Variants in EYA3 observed in about 807,000 individuals in gnomAD.
EYA3 encodes the protein EYA transcriptional coactivator and phosphatase 3, also known as protein phosphatase EYA3.
Under a neutral mutation model 80.0 loss-of-function variants are expected in EYA3, and 39 were observed. The observed-to-expected ratio is 0.49, with a 90% confidence interval of 0.38 to 0.64. The LOEUF (loss-of-function observed/expected upper bound fraction) is 0.64, where lower values mean the gene tolerates loss of function less well. EYA3 is among the 30% of genes least tolerant of loss of function. The probability of loss-of-function intolerance (pLI) is 0.00; values close to 1 mark genes in which losing one functional copy is unlikely to be tolerated. For missense variants in EYA3, 523 were observed against 676.1 expected (o/e 0.77, Z 2.51); for synonymous variants, 206 against 232.8 (o/e 0.88, Z 1.05).
At chr1:27,986,869 A>AT (rs1639694865) in intron 16 of EYA3, among the ~76,000 whole-genome samples, 1 of 151,722 alleles carries the variant, frequency 6.6e-6, no homozygotes, top group Non-Finnish European at 1.5e-5. Context: ...CGCCCAGCTA[A>AT]TTTTTTGTAT....
intron 6 of EYA3, among the ~76,000 whole-genome samples, chr1:28,029,432 G>C (rs544825148): frequency 6.6e-6 from 1 of 152,076 alleles, no homozygotes; most frequent in African/African-American, 2.4e-5. Context: ...GACTTCCTTA[G>C]CAGTATCTGC....
At chr1:27,985,768 G>C (rs533777351) in intron 16 of EYA3, among the ~76,000 whole-genome samples, 1 of 152,064 alleles carries the variant, frequency 6.6e-6, no homozygotes, top group Non-Finnish European at 1.5e-5. Context: ...TTTTAGTAGA[G>C]AGGGGGTTTC....
intron 11 of EYA3, among the ~76,000 whole-genome samples, chr1:28,003,333 G>T (rs1007956125): frequency 3.3e-5 from 5 of 151,762 alleles, no homozygotes; most frequent in Admixed American, 6.6e-5. Flanking sequence ...GCCAGGCATG[G>T]TAACGGGCAC....
At chr1:27,983,549 C>T (rs2148711510) in intron 16 of EYA3, among the ~76,000 whole-genome samples, 1 of 152,322 alleles carries the variant, frequency 6.6e-6, no homozygotes, top group Non-Finnish European at 1.5e-5. Flanking sequence ...TATTTACTGA[C>T]AGTTTTGTTT....
chr1:28,066,982 C>G (rs1333685058), intron 1 of EYA3, among the ~76,000 whole-genome samples: 1 of 151,866 alleles, frequency 6.6e-6, no homozygotes, highest in Non-Finnish European at 1.5e-5. Flanking sequence ...TCTTAAGATA[C>G]GACTTCATAC....
intron 1 of EYA3, among the ~76,000 whole-genome samples, chr1:28,061,639 G>A (rs1279397707): frequency 3.3e-5 from 5 of 149,952 alleles, no homozygotes; most frequent in Non-Finnish European, 7.4e-5. Context: ...TCGCTCTGTC[G>A]CCCAGGCTGG....
intron 10 of EYA3, 140 bp from the exon 11 acceptor site, chr1:28,004,559 A>G (rs1641134662): frequency 1.8e-6 from 1 of 562,046 alleles, no homozygotes; most frequent in African/African-American, 1.9e-5. Context: ...CCAATGCGTC[A>G]AAGAAGAAAT....
At chr1:28,081,588 G>T (rs1028030243) in intron 1 of EYA3, among the ~76,000 whole-genome samples, 2 of 151,974 alleles carry the variant, frequency 1.3e-5, no homozygotes, top group Non-Finnish European at 2.9e-5. Context: ...TATTCTTTTG[G>T]TAAAGAGAGT....
rs142978752 is a variant in EYA3, at chr1:28,072,244, A to T, written c.-68-14150T>A. On this transcript the variant is annotated intron_variant, in intron 1 of 17. Transcript: ENST00000373871. ...ACATGTTAGTTACAGCCAGAAATAA[A>T]AATTAAACTATATAAATGCAAAGTG... is the stretch of plus-strand genomic sequence containing the variant. Among the ~76,000 whole-genome samples the T allele has an allele frequency of 1.9e-3, 285 of 152,334 alleles. 3 individuals are homozygous for T. Among genetic ancestry groups the T allele is most frequent in the African/African-American group, 6.5e-3 (269 of 41,568 alleles).
intron 1 of EYA3, among the ~76,000 whole-genome samples, chr1:28,061,636 G>C (rs564833962): frequency 1.8e-4 from 27 of 149,250 alleles, no homozygotes; most frequent in African/African-American, 6.4e-4. Flanking sequence ...GTCTCGCTCT[G>C]TCGCCCAGGC....
chr1:28,078,830 T>C (rs1175940695), intron 1 of EYA3, among the ~76,000 whole-genome samples: 1 of 152,188 alleles, frequency 6.6e-6, no homozygotes, highest in Non-Finnish European at 1.5e-5. Flanking sequence ...GCTATACACA[T>C]AGTAAGTCAC....
chr1:28,020,667 CGTGTGT>C (rs56017264), intron 7 of EYA3, among the ~76,000 whole-genome samples: 9,291 of 134,382 alleles, frequency 0.069, 370 homozygotes, highest in East Asian at 0.18. Flanking sequence ...TACAGATCAT[CGTGTGT>C]GTGTGTGTGT....
chr1:28,061,569 T>C (rs1644625832), intron 1 of EYA3, among the ~76,000 whole-genome samples: 1 of 151,702 alleles, frequency 6.6e-6, no homozygotes, highest in African/African-American at 2.4e-5. Flanking sequence ...AGTTTCCTTG[T>C]ATTAGTTCTA....
chr1:28,051,546 G>A (rs1171613237), intron 2 of EYA3, among the ~76,000 whole-genome samples: 1 of 152,120 alleles, frequency 6.6e-6, no homozygotes, highest in African/African-American at 2.4e-5. Context: ...AATTAGCTGT[G>A]TGTGGTGGTG....
At chr1:27,986,771 C>T (rs950851924) in intron 16 of EYA3, among the ~76,000 whole-genome samples, 1 of 151,990 alleles carries the variant, frequency 6.6e-6, no homozygotes. Context: ...GGTGCAATCT[C>T]GGCTCACTGC....
chr1:28,027,310 G>C (rs974885568), intron 7 of EYA3, among the ~76,000 whole-genome samples: 5 of 152,184 alleles, frequency 3.3e-5, no homozygotes, highest in Non-Finnish European at 7.4e-5. Context: ...TATCCTGAAA[G>C]AGAAATAAGA....
At chr1:27,980,076 G>C (rs1208767593) in intron 16 of EYA3, among the ~76,000 whole-genome samples, 1 of 152,110 alleles carries the variant, frequency 6.6e-6, no homozygotes, top group Non-Finnish European at 1.5e-5. Flanking sequence ...GTCTCTTTTA[G>C]TGCTAATATT....
chr1:27,973,394 G>A lies in EYA3; in HGVS notation c.*1072C>T, dbSNP rs1270447399. The A allele has an allele frequency of 2.6e-5, 4 of 152,336 alleles. No individual in the cohort carries two copies. The highest frequency in any genetic ancestry group is 1.9e-4 in the East Asian group (1 of 5,206). 9.4% of individuals were successfully genotyped at this position (152,336 alleles called of 1,614,324 possible). On this transcript the variant is annotated 3_prime_UTR_variant, in exon 18 of 18. Transcript: ENST00000373871. Reference sequence around the variant, plus strand: ...ACCTAGCATTATGATGACCAAGAAGGAAGAAGCTGCAGGGACGAGCATCTG... The same window carrying A: ...ACCTAGCATTATGATGACCAAGAAGAAAGAAGCTGCAGGGACGAGCATCTG...
At chr1:28,058,274 G>C (rs1644501789) in intron 1 of EYA3, among the ~76,000 whole-genome samples, 180 bp from the exon 2 acceptor site, 1 of 152,148 alleles carries the variant, frequency 6.6e-6, no homozygotes, top group Non-Finnish European at 1.5e-5. Context: ...ATCAAGAGAG[G>C]TGTACACAAT....
Sources: allele counts gnomAD v4.1 joint callset (sites outside exome capture counted in the v4.1 genomes callset), GRCh38; gene constraint gnomAD v4.1.1; transcripts MANE v1.5; gene names NCBI Gene and HGNC (gene_info 2026-07-23, HGNC 2026-07-21).